The following ESX1 variants were observed in gnomAD, a reference collection of about 807,000 sequenced individuals.
ESX1 encodes homeobox protein ESX1.
Under a neutral mutation model 13.2 loss-of-function variants are expected in ESX1, and 2 were observed. The ratio of observed to expected loss-of-function variants is 0.15; its 90% confidence interval spans 0.06 to 0.48. ESX1 has a LOEUF of 0.48. ESX1 is among the 20% of genes least tolerant of loss of function. The pLI, the probability that ESX1 is intolerant of heterozygous loss-of-function variation, is 0.97. For synonymous variants in ESX1, 157 were observed against 163.1 expected, an observed-to-expected ratio of 0.96 and a Z score of 0.29; for missense variants, 307 against 379.0, an observed-to-expected ratio of 0.81 and a Z score of 1.58.
chrX:104,252,310 C>T (rs782483993), intron 3 of ESX1, among the ~76,000 whole-genome samples: 1 of 112,254 alleles, frequency 8.9e-6, no homozygotes, highest in South Asian at 3.7e-4. Flanking sequence ...AATTTGAATA[C>T]TTCCGAGGTG....
At chrX:104,253,724 G>A (rs1556394996) in intron 2 of ESX1, among the ~76,000 whole-genome samples, 1 of 111,115 alleles carries the variant, frequency 9.0e-6, no homozygotes, top group East Asian at 2.8e-4. Flanking sequence ...GCTAGCGAAG[G>A]AAAGGGGTCG....
chrX:104,250,665 G>C lies in ESX1; in HGVS notation c.784C>G (p.Pro262Ala), dbSNP rs1556394098. ...ATAGGTGCTATGGGTGGCCTGGGTG[G>C]CATAGGGACCATGGGTGGCCTGGGT... ...MPPRPPMVPM[P>A]PRPPIAPMPP... is the part of the protein sequence containing the mutation. Residue 262 changes from proline (P) to alanine (A), a missense_variant, in exon 4 of 4, where the codon CCA becomes GCA. This residue lies in a region of ESX1 where 108 missense variants were observed against 147.5 expected (regional missense o/e 0.73). Coordinates refer to ENST00000372588, the MANE Select transcript of ESX1 (RefSeq NM_153448.4). 8.3e-7 allele frequency: 1 copy of C among 1,211,384 alleles called. No individual in the cohort carries two copies. Among genetic ancestry groups the C allele is most frequent in the Non-Finnish European group, 1.1e-6 (1 of 895,172 alleles).
chrX:104,250,341 GC>G lies in ESX1; in HGVS notation c.1107del (p.Pro370ArgfsTer43). 8.9e-7 allele frequency: 1 copy of G among 1,128,189 alleles called. No individual in the cohort carries two copies. The highest frequency in any genetic ancestry group is 1.2e-6 in the Non-Finnish European group (1 of 858,162). 93.0% of individuals were successfully genotyped at this position (1,128,189 alleles called of 1,213,427 possible). A position where few individuals can be genotyped will look rare whatever the true frequency, so the allele number is the denominator to read the frequency against. The stretch of plus-strand genomic sequence containing the variant: ...CTGGGTGGCAGAGGCGCCATGGGCG[GC>G]CCGGGTGGCAGAGGCGCCATGGGCG... ...PGPPMAPLPP[G>X]PPMAPLPPRS... On this transcript the variant is annotated frameshift_variant, in exon 4 of 4. Transcript: ENST00000372588. LOFTEE classifies it low-confidence loss of function (END_TRUNC).
intron 1 of ESX1, 46 bp downstream of exon 1, chrX:104,254,722 C>T: frequency 8.5e-7 from 1 of 1,171,324 alleles, no homozygotes; most frequent in Non-Finnish European, 1.2e-6. Context: ...GGAAAAATTC[C>T]TCTTTTGGAG....
chrX:104,251,818 A>G (rs1283038762), intron 3 of ESX1, among the ~76,000 whole-genome samples: 1 of 111,717 alleles, frequency 9.0e-6, no homozygotes, highest in Non-Finnish European at 1.9e-5. Flanking sequence ...ACCAAAAAGA[A>G]TAAAACATCT....
chrX:104,254,594 G>A lies in ESX1; in HGVS notation c.83-17C>T, dbSNP rs1556395521. On this transcript the variant is annotated splice_polypyrimidine_tract_variant and intron_variant, in intron 1 of 3. Transcript: ENST00000372588. ...GTTTCTCATCTGGGAAGGGAGGAAA[G>A]CAAAAGAGACACCAGGGCGTTGGAG... is the stretch of plus-strand genomic sequence containing the variant. 2.5e-6 allele frequency: 3 copies of A among 1,201,707 alleles called. No individual in the cohort carries two copies. Among genetic ancestry groups the A allele is most frequent in the Admixed American group, 4.4e-5 (2 of 45,627 alleles).
intron 3 of ESX1, among the ~76,000 whole-genome samples, chrX:104,251,943 T>C (rs901946994): frequency 5.3e-5 from 6 of 112,497 alleles, no homozygotes; most frequent in African/African-American, 1.9e-4. Context: ...CTGTATACAA[T>C]TCTTCTCTAA....
intron 2 of ESX1, 37 bp from the exon 3 acceptor site, chrX:104,252,865 G>A (rs1556394685): frequency 6.9e-6 from 8 of 1,156,124 alleles, no homozygotes; most frequent in Non-Finnish European, 7.1e-6. Context: ...AGTATTTGGA[G>A]TTGTGGATAA....
At position 104,254,348 on chromosome X, in the gene ESX1, G is replaced by C. The variant is rs141891783; in HGVS notation, c.312C>G (p.Leu104=). 8 of 1,209,325 alleles carry C rather than the reference G, an allele frequency of 6.6e-6. No homozygotes were observed. Among genetic ancestry groups the C allele is most frequent in the Middle Eastern group, 2.3e-4 (1 of 4,370 alleles). Residue 104 remains leucine, a synonymous_variant, in exon 2 of 4, where the codon CTC becomes CTG. Coordinates refer to ENST00000372588, the MANE Select transcript of ESX1 (RefSeq NM_153448.4). The part of the protein sequence containing the change: ...PEQQQEEPPL[L]ELKQEQEEPP... ...GCTCCTCCTGCTCTTGCTTCAGCTC[G>C]AGCAGGGGCGGCTCCTCCTGCTGTT...
Position 104,250,152 on chromosome X carries a change from T to C in ESX1, c.*76A>G. On this transcript the variant is annotated 3_prime_UTR_variant, in exon 4 of 4. Coordinates refer to ENST00000372588, the MANE Select transcript of ESX1 (RefSeq NM_153448.4). ...CTTCATTTAACAAGCATCTAACGAATTACTTGATGCTGTGCTGTGCACAAT... is the reference window on the plus strand; with the variant it reads ...CTTCATTTAACAAGCATCTAACGAACTACTTGATGCTGTGCTGTGCACAAT... 1 of 1,106,922 alleles carries C rather than the reference T, an allele frequency of 9.0e-7. No individual in the cohort carries two copies. The allele number at this position is 1,106,922 out of a possible 1,213,427, so 91.2% of individuals were successfully genotyped here.
At position 104,254,514 on chromosome X, in the gene ESX1, G is replaced by A. The variant is rs1556395470; in HGVS notation, c.146C>T (p.Ser49Phe). 2.5e-6 allele frequency: 3 copies of A among 1,211,981 alleles called. No individual in the cohort carries two copies. Among genetic ancestry groups the A allele is most frequent in the East Asian group, 3.0e-5 (1 of 33,831 alleles). ...CGCTTCTGTTCCGTACTCAGGTTTG[G>A]ACCGTGTATTCTCCTCGTCCTCTCC... ...RGGEDEENTR[S>F]KPEYGTEAEN... is the part of the protein sequence containing the mutation. Residue 49 changes from serine to phenylalanine, a missense_variant, in exon 2 of 4, where the codon TCC becomes TTC. Transcript: ENST00000372588.
At chrX:104,252,471 C>T (rs1455605590) in intron 3 of ESX1, among the ~76,000 whole-genome samples, 6 of 111,553 alleles carry the variant, frequency 5.4e-5, no homozygotes, top group Admixed American at 1.9e-4. Context: ...TATATGTGTA[C>T]GTAAATGTGT....
chrX:104,252,740 A>C, intron 3 of ESX1, 43 bp downstream of exon 3: 1 of 1,167,435 alleles, frequency 8.6e-7, no homozygotes, highest in Non-Finnish European at 1.2e-6. Flanking sequence ...AGCATGCTTT[A>C]GAATGGCTGT....
At position 104,250,356 on chromosome X, in the gene ESX1, GCGCCA is replaced by G. The variant is rs781938632; in HGVS notation, c.1088_1092del (p.Met363ThrfsTer45). Reference sequence around the variant, plus strand: ...GCCATGGGCGGCCCGGGTGGCAGAGGCGCCATGGGCGGCCCGGGTGGCAGAGGCGC... The same window carrying G: ...GCCATGGGCGGCCCGGGTGGCAGAGGTGGGCGGCCCGGGTGGCAGAGGCGC... On this transcript the variant is annotated frameshift_variant, in exon 4 of 4. Transcript: ENST00000372588. LOFTEE classifies it low-confidence loss of function (END_TRUNC). 3 of 1,102,085 alleles carry G rather than the reference GCGCCA, an allele frequency of 2.7e-6. No homozygotes were observed. Among genetic ancestry groups the G allele is most frequent in the South Asian group, 2.4e-5 (1 of 41,197 alleles). 90.8% of individuals were successfully genotyped at this position (1,102,085 alleles called of 1,213,427 possible). A position where few individuals can be genotyped will look rare whatever the true frequency, so the allele number is the denominator to read the frequency against.
In ESX1 at chrX:104,254,901, T is replaced by C; in HGVS notation, c.-52A>G. ...GCACTTCTGCAGACTCTGTGCGTGG[T>C]TCCGCGGCGATCCCGGGGTTGGAAC... On this transcript the variant is annotated 5_prime_UTR_variant, in exon 1 of 4. Transcript: ENST00000372588. 9.5e-7 allele frequency: 1 copy of C among 1,050,359 alleles called. No homozygotes were observed. The highest frequency in any genetic ancestry group is 1.3e-6 in the Non-Finnish European group (1 of 753,829). 86.6% of individuals were successfully genotyped at this position (1,050,359 alleles called of 1,213,427 possible).
At chrX:104,250,965 C>T in intron 3 of ESX1, 69 bp from the exon 4 acceptor site, 3 of 956,815 alleles carry the variant, frequency 3.1e-6, no homozygotes, top group Non-Finnish European at 4.3e-6. Context: ...AAAAACATAA[C>T]ATGGAATTCT....
chrX:104,253,695 T>C (rs938743533), intron 2 of ESX1, among the ~76,000 whole-genome samples: 1 of 110,340 alleles, frequency 9.1e-6, no homozygotes, highest in Non-Finnish European at 1.9e-5. Context: ...CGGGTCGGTA[T>C]GAGGAGGGCT....
rs1556394136 is a variant in ESX1, at chrX:104,250,771, A to T, written c.678T>A (p.Ala226=). The T allele has an allele frequency of 5.0e-6, 6 of 1,211,735 alleles. No individual in the cohort carries two copies. The highest frequency in any genetic ancestry group is 6.7e-6 in the Non-Finnish European group (6 of 895,479). ...DMFLGGAYYA[A]PALDPALCVH... ...CACACAAAGCAGGATCCAGAGCAGGAGCAGCATAATAGGCCCCACCCAAGA... is the reference window on the plus strand; with the variant it reads ...CACACAAAGCAGGATCCAGAGCAGGTGCAGCATAATAGGCCCCACCCAAGA... The change falls in exon 4 of 4, where the codon GCT becomes GCA. Residue 226 remains alanine (A), a synonymous_variant. Transcript: ENST00000372588.
chrX:104,254,062 C>A, intron 2 of ESX1, 92 bp downstream of exon 2: 3 of 1,068,969 alleles, frequency 2.8e-6, no homozygotes, highest in Non-Finnish European at 3.8e-6. Context: ...AAACCAAGGG[C>A]GGAGGCAGCG....
Sources: gnomAD v4.1 joint callset for allele counts (sites outside exome capture counted in the v4.1 genomes callset) on GRCh38, gnomAD v4.1.1 for gene constraint, gnomAD v4.1.1 regional missense constraint, MANE v1.5 for transcripts, NCBI Gene and HGNC (gene_info 2026-07-23, HGNC 2026-07-21) for gene names.